TMIE: variants seen among roughly 807,000 people sequenced by gnomAD.
TMIE encodes the protein transmembrane inner ear expressed protein.
TMIE carries 14 observed loss-of-function variants against 16.8 expected under a neutral mutation model. The ratio of observed to expected loss-of-function variants is 0.83; its 90% CI spans 0.55 to 1.30. TMIE has a LOEUF of 1.30. Among genes scored for constraint, TMIE ranks in the 50% most tolerant of loss-of-function variants. TMIE has a pLI of 0.00. For synonymous variants in TMIE, 75 were observed against 87.2 expected (o/e 0.86, Z 0.78); for missense variants, 204 against 205.9 (o/e 0.99, Z 0.06).
At chr3:46,697,037 T>C (rs953708234), upstream of TMIE, among the ~76,000 whole-genome samples, 1 of 152,146 alleles carries the variant, frequency 6.6e-6, no homozygotes, top group Admixed American at 6.5e-5. Flanking sequence ...AGTTCCTGTG[T>C]GACCTTAGGC....
chr3:46,707,880 G>A (rs751058221), intron 2 of TMIE, among the ~76,000 whole-genome samples: 6 of 152,342 alleles, frequency 3.9e-5, no homozygotes, highest in Non-Finnish European at 5.9e-5. Context: ...GGCCTAAGCC[G>A]GGAGGGTTAG....
chr3:46,704,591 TCCCTAGACACCCAGGGTGGACCATGTC>T (rs1373108890), intron 1 of TMIE, among the ~76,000 whole-genome samples: 4 of 125,378 alleles, frequency 3.2e-5, no homozygotes, highest in East Asian at 5.0e-4. Context: ...CAGGATCATG[TCCCTAGACACCCAGGGTGGACCATGTC>T]CCCTAGACAC....
upstream of TMIE, chr3:46,701,165 G>A: frequency 3.4e-6 from 1 of 294,360 alleles, no homozygotes; most frequent in East Asian, 6.0e-5. This position sits in a 1 kb window ranked among gnomAD's most constrained non-coding sequence, Gnocchi z 4.3. Context: ...TTGCAGAAGG[G>A]AGGGGGACCT....
chr3:46,695,852 T>C (rs1700407417), intron 1 of TMIE, among the ~76,000 whole-genome samples: 1 of 152,210 alleles, frequency 6.6e-6, no homozygotes, highest in South Asian at 2.1e-4. Context: ...AGACCAGTCC[T>C]TCCCCCATTC....
chr3:46,698,572 C>T (rs568883756), upstream of TMIE, among the ~76,000 whole-genome samples: 1 of 152,154 alleles, frequency 6.6e-6, no homozygotes, highest in South Asian at 2.1e-4. Flanking sequence ...TGCACCTGGC[C>T]CATGATCCTG....
chr3:46,709,464 A>G lies in TMIE; in HGVS notation c.362-115A>G, dbSNP rs913787143. 1.1e-5 allele frequency: 18 copies of G among 1,608,668 alleles called. No individual in the cohort carries two copies. In the Admixed American group the frequency reaches 1.5e-4, roughly 13 times the overall value. On this transcript the variant is annotated intron_variant, in intron 3 of 3. Coordinates refer to ENST00000643606, the MANE Select transcript of TMIE (RefSeq NM_147196.3). ...AACGATGAGCCTATTCTCCAGTAGG[A>G]AGAAGGAAGAAAAAGGCAGAGTGTA...
chr3:46,710,166 C>T lies in TMIE; in HGVS notation c.*478C>T. On this transcript the variant is annotated 3_prime_UTR_variant, in exon 4 of 4. Transcript: ENST00000643606. Reference sequence around the variant, plus strand: ...GGGTCACTGGGGGACACTGTGGCAGCAGGAGGGACTCTGTCTGGCCAGGGA... The same window carrying T: ...GGGTCACTGGGGGACACTGTGGCAGTAGGAGGGACTCTGTCTGGCCAGGGA... The T allele has an allele frequency of 4.2e-6, 1 of 236,132 alleles. No homozygotes were observed. Among genetic ancestry groups the T allele is most frequent in the South Asian group, 6.7e-5 (1 of 15,008 alleles). 14.6% of individuals were successfully genotyped at this position (236,132 alleles called of 1,614,324 possible). A position where few individuals can be genotyped will look rare whatever the true frequency, so the allele number is the denominator to read the frequency against.
chr3:46,709,754 T>G lies in TMIE; in HGVS notation c.*66T>G. On this transcript the variant is annotated 3_prime_UTR_variant, in exon 4 of 4. Transcript: ENST00000643606. ...AAGCCGTGGCCGGGGTCCAGGCATG[T>G]TGGACTCTGAGCTCATTTGGGGACC... 2 of 1,605,082 alleles carry G rather than the reference T, an allele frequency of 1.2e-6. No individual in the cohort carries two copies. The highest frequency in any genetic ancestry group is 1.7e-6 in the Non-Finnish European group (2 of 1,176,258).
At chr3:46,695,028 T>C (rs934856105) in intron 1 of TMIE, among the ~76,000 whole-genome samples, 4 of 152,160 alleles carry the variant, frequency 2.6e-5, no homozygotes, top group Admixed American at 2.6e-4. Context: ...AGGCTTCTGG[T>C]GAGGTGTCCC....
intron 3 of TMIE, 53 bp downstream of exon 3, chr3:46,709,328 C>A: frequency 6.2e-7 from 1 of 1,612,504 alleles, no homozygotes; most frequent in Non-Finnish European, 8.5e-7. Flanking sequence ...CTCAGTCCTG[C>A]TGCCTGGAGT....
At chr3:46,695,472 C>T (rs1222231183) in intron 1 of TMIE, among the ~76,000 whole-genome samples, 1 of 152,134 alleles carries the variant, frequency 6.6e-6, no homozygotes, top group Non-Finnish European at 1.5e-5. Context: ...TCAAGGGGCT[C>T]CTTCAGGGAT....
chr3:46,710,378 G>A lies in TMIE; in HGVS notation c.*690G>A, dbSNP rs1358286320. The A allele has an allele frequency of 6.3e-6, 1 of 159,798 alleles. No homozygotes were observed. The highest frequency in any genetic ancestry group is 1.4e-5 in the Non-Finnish European group (1 of 72,236). 9.9% of individuals were successfully genotyped at this position (159,798 alleles called of 1,614,324 possible). On this transcript the variant is annotated 3_prime_UTR_variant, in exon 4 of 4. Transcript: ENST00000643606. ...TGCCAGGCCCGGCATGAGGCCCCGA[G>A]GCTCGAGCTCGGGGCTGGGGGCTGC... is the stretch of plus-strand genomic sequence containing the variant.
chr3:46,697,281 A>T (rs981802480), upstream of TMIE, among the ~76,000 whole-genome samples: 4 of 151,958 alleles, frequency 2.6e-5, no homozygotes, highest in African/African-American at 7.3e-5. Flanking sequence ...CTCTGCTTTC[A>T]CCTGCCCCAA....
At chr3:46,707,537 C>A (rs966602552) in intron 2 of TMIE, among the ~76,000 whole-genome samples, 1 of 152,208 alleles carries the variant, frequency 6.6e-6, no homozygotes, top group African/African-American at 2.4e-5. Context: ...AGCATCACCC[C>A]CAAAGCCCTG....
At position 46,710,311 on chromosome 3, in the gene TMIE, G is replaced by A. The variant is rs1389476935; in HGVS notation, c.*623G>A. On this transcript the variant is annotated 3_prime_UTR_variant, in exon 4 of 4. Coordinates refer to ENST00000643606, the MANE Select transcript of TMIE (RefSeq NM_147196.3). ...CAGCAGACATCAAGCTCAAGGCAAT[G>A]GGCTACCCTCATTTCACACGTTGTG... 1 of 167,078 alleles carries A rather than the reference G, an allele frequency of 6.0e-6. No homozygotes were observed. The highest frequency in any genetic ancestry group is 1.3e-5 in the Non-Finnish European group (1 of 75,920). 10.3% of individuals were successfully genotyped at this position (167,078 alleles called of 1,614,324 possible). A position where few individuals can be genotyped will look rare whatever the true frequency, so the allele number is the denominator to read the frequency against.
At position 46,709,966 on chromosome 3, in the gene TMIE, C is replaced by CGG. The variant is rs1374647871; in HGVS notation, c.*278_*279insGG. 8,220 of 507,266 alleles carry CGG rather than the reference C, an allele frequency of 0.016. 765 individuals carry two copies. The highest frequency in any genetic ancestry group is 0.16 in the African/African-American group (7,793 of 48,266). The allele number at this position is 507,266 out of a possible 1,614,324, so 31.4% of individuals were successfully genotyped here. A position where few individuals can be genotyped will look rare whatever the true frequency, so the allele number is the denominator to read the frequency against. On this transcript the variant is annotated 3_prime_UTR_variant, in exon 4 of 4. Coordinates refer to ENST00000643606, the MANE Select transcript of TMIE (RefSeq NM_147196.3). ...GTGCCACCGTCCCTCTGCAGATACA[C>CGG]TGCTCTCCCCACCCAGACCTGCCTG...
chr3:46,705,733 G>C, intron 1 of TMIE, 57 bp from the exon 2 acceptor site: 3 of 1,514,504 alleles, frequency 2.0e-6, no homozygotes, highest in Non-Finnish European at 2.7e-6. Context: ...GCCCTTCTCA[G>C]CTGGTTCCAG....
At chr3:46,699,960 C>T (rs571022308), upstream of TMIE, among the ~76,000 whole-genome samples, 95 of 152,234 alleles carry the variant, frequency 6.2e-4, 1 homozygote, top group Admixed American at 1.4e-3. Flanking sequence ...CTGACAGGCT[C>T]ACTTAGTCCT....
upstream of TMIE, among the ~76,000 whole-genome samples, chr3:46,697,352 G>C (rs1312292244): frequency 6.6e-6 from 1 of 152,172 alleles, no homozygotes; most frequent in Non-Finnish European, 1.5e-5. Flanking sequence ...TCCCCAGAGA[G>C]GGTCCTGCCC....
Sources: gnomAD v4.1 joint callset for allele counts (sites outside exome capture counted in the v4.1 genomes callset) on GRCh38, gnomAD v4.1.1 for gene constraint, Gnocchi (gnomAD v3.1) non-coding constraint, MANE v1.5 for transcripts, NCBI Gene and HGNC (gene_info 2026-07-23, HGNC 2026-07-21) for gene names.